Variants in DLG2 observed in about 807,000 individuals in gnomAD.
DLG2 encodes the protein disks large homolog 2.
In DLG2, 45 loss-of-function variants were observed where a neutral mutation model predicts 132.5. The ratio of observed to expected loss-of-function variants is 0.34; its 90% CI spans 0.27 to 0.44. The LOEUF (loss-of-function observed/expected upper bound fraction) is 0.44. Among genes scored for constraint, DLG2 ranks in the 20% least tolerant of loss-of-function variants. DLG2 has a pLI of 1.00. For synonymous variants in DLG2, 424 were observed against 419.6 expected (o/e 1.01, Z -0.13); for missense variants, 1,045 against 1,196.9 (o/e 0.87, Z 1.87).
At chr11:85,233,457 C>G (rs1354995498) in intron 4 of DLG2, among the ~76,000 whole-genome samples, 1 of 151,876 alleles carries the variant, frequency 6.6e-6, no homozygotes, top group African/African-American at 2.4e-5. Context: ...CTGTTTTACT[C>G]CATCAGCCAT....
At chr11:83,860,399 A>G (rs1037183838) in intron 16 of DLG2, among the ~76,000 whole-genome samples, 2 of 152,170 alleles carry the variant, frequency 1.3e-5, no homozygotes, top group African/African-American at 4.8e-5. Context: ...TGGATATGAG[A>G]CATGGAGTCA....
chr11:84,387,885 G>A (rs1395012828), intron 7 of DLG2, among the ~76,000 whole-genome samples: 1 of 152,144 alleles, frequency 6.6e-6, no homozygotes, highest in Non-Finnish European at 1.5e-5. Context: ...TATGAGAAGG[G>A]CTGGCTAATA....
rs868571647 is a variant in DLG2 at position 85,399,430 on chromosome 11, T to C, written c.41-114065A>G. Among the ~76,000 whole-genome samples the C allele has an allele frequency of 1.1e-4, 17 of 152,102 alleles. No individual in the cohort carries two copies. The South Asian group carries it at 2.5e-3, about 22-fold the overall frequency. ...TTCTTCACAGAATTGGAAAAAACTA[T>C]TTTAAAGTTCATATGGAACCAAAAA... is the stretch of plus-strand genomic sequence containing the variant. On this transcript the variant is annotated intron_variant, in intron 3 of 27. Transcript: ENST00000376104.
At chr11:85,291,667 CT>C (rs950482339) in intron 3 of DLG2, among the ~76,000 whole-genome samples, 6 of 149,274 alleles carry the variant, frequency 4.0e-5, no homozygotes, top group African/African-American at 1.5e-4. Context: ...TCACTGCAAT[CT>C]CCGCCTCCAG....
At chr11:84,126,075 A>C (rs1038921772) in intron 9 of DLG2, among the ~76,000 whole-genome samples, 1 of 152,162 alleles carries the variant, frequency 6.6e-6, no homozygotes, top group Non-Finnish European at 1.5e-5. Context: ...CCGTTTGATT[A>C]AACAACATGG....
chr11:84,539,509 G>A (rs2154521847), intron 6 of DLG2, among the ~76,000 whole-genome samples: 1 of 152,316 alleles, frequency 6.6e-6, no homozygotes, highest in South Asian at 2.1e-4. Flanking sequence ...GAAGGCCTCT[G>A]TATTGCAGTC....
At chr11:84,656,922 T>C (rs1326846081) in intron 6 of DLG2, among the ~76,000 whole-genome samples, 1 of 152,164 alleles carries the variant, frequency 6.6e-6, no homozygotes, top group Non-Finnish European at 1.5e-5. Flanking sequence ...CAGTTCAAAC[T>C]AATAGTTTTG....
At chr11:85,466,094 T>C (rs1389953100) in intron 3 of DLG2, among the ~76,000 whole-genome samples, 3 of 152,246 alleles carry the variant, frequency 2.0e-5, no homozygotes, top group Non-Finnish European at 4.4e-5. Flanking sequence ...TTTGACTACA[T>C]AAATGTCTTC....
chr11:85,289,159 A>G (rs1338828393), intron 3 of DLG2, among the ~76,000 whole-genome samples: 1 of 152,150 alleles, frequency 6.6e-6, no homozygotes, highest in East Asian at 1.9e-4. Flanking sequence ...GATGACTTAA[A>G]TTTGATGATA....
At chr11:84,353,406 T>C (rs2098593464) in intron 7 of DLG2, among the ~76,000 whole-genome samples, 1 of 152,168 alleles carries the variant, frequency 6.6e-6, no homozygotes, top group Non-Finnish European at 1.5e-5. Context: ...GCACAAACTA[T>C]ACATCTGAAA....
At chr11:85,261,594 G>C (rs773187981) in intron 4 of DLG2, among the ~76,000 whole-genome samples, 2 of 152,146 alleles carry the variant, frequency 1.3e-5, no homozygotes, top group African/African-American at 4.8e-5. Flanking sequence ...TCATCAGAGA[G>C]GGGGAGGATA....
intron 3 of DLG2, among the ~76,000 whole-genome samples, chr11:85,574,408 C>T (rs180870438): frequency 1.4e-4 from 21 of 151,504 alleles, no homozygotes; most frequent in African/African-American, 4.8e-4. Context: ...GAATGCCATA[C>T]CTCTAGCTGC....
intron 3 of DLG2, among the ~76,000 whole-genome samples, chr11:85,322,512 T>C (rs1338895255): frequency 6.6e-6 from 1 of 152,188 alleles, no homozygotes; most frequent in Non-Finnish European, 1.5e-5. Context: ...TAATATCAGC[T>C]GATATTGCTT....
chr11:85,235,970 A>T (rs2075565554), intron 4 of DLG2, among the ~76,000 whole-genome samples: 1 of 151,906 alleles, frequency 6.6e-6, no homozygotes, highest in Non-Finnish European at 1.5e-5. Flanking sequence ...TTCAGTAGAT[A>T]AAAACACTGC....
chr11:83,569,940 CAT>C (rs2096770516), intron 19 of DLG2, among the ~76,000 whole-genome samples: 1 of 152,168 alleles, frequency 6.6e-6, no homozygotes, highest in Non-Finnish European at 1.5e-5. Context: ...TTCATGAGGA[CAT>C]GTTGAATGAG....
chr11:85,478,135 G>A (rs1037270745), intron 3 of DLG2, among the ~76,000 whole-genome samples: 1 of 151,902 alleles, frequency 6.6e-6, no homozygotes. Context: ...AGCTTCCCAA[G>A]GAACTAAGAC....
chr11:83,544,015 G>C (rs1054423343), intron 19 of DLG2, among the ~76,000 whole-genome samples: 9 of 152,102 alleles, frequency 5.9e-5, no homozygotes, highest in Non-Finnish European at 8.8e-5. Context: ...TATGTGCTAG[G>C]CAGAGGCTGC....
At chr11:85,556,289 T>G (rs2076938628) in intron 3 of DLG2, among the ~76,000 whole-genome samples, 1 of 151,912 alleles carries the variant, frequency 6.6e-6, no homozygotes, top group Non-Finnish European at 1.5e-5. Context: ...ACTGGTTTAG[T>G]ACCCTCCCTC....
At chr11:85,537,503 A>AGGAGGGATGAACAACTCCAGACG (rs1481139301) in intron 3 of DLG2, among the ~76,000 whole-genome samples, 25 of 151,664 alleles carry the variant, frequency 1.6e-4, no homozygotes, top group Non-Finnish European at 2.9e-4. Context: ...AACTCCAGAC[A>AGGAGGGATGAACAACTCCAGACG]GGAGGGATGA....
Sources: gnomAD v4.1 joint callset for allele counts (sites outside exome capture counted in the v4.1 genomes callset) on GRCh38, gnomAD v4.1.1 for gene constraint, MANE v1.5 for transcripts, NCBI Gene and HGNC (gene_info 2026-07-23, HGNC 2026-07-21) for gene names.